Variants in FOXP1 observed in about 807,000 individuals in gnomAD.
FOXP1 encodes forkhead box P1.
A neutral mutation model predicts 98.2 loss-of-function variants in FOXP1; 15 were observed. The ratio of observed to expected loss-of-function variants is 0.15; its 90% CI spans 0.10 to 0.24. The LOEUF (loss-of-function observed/expected upper bound fraction) is 0.24. Among genes scored for constraint, FOXP1 ranks in the 10% least tolerant of loss-of-function variants. The probability of loss-of-function intolerance (pLI) is 1.00; values close to 1 mark genes in which losing one functional copy is unlikely to be tolerated. For synonymous variants in FOXP1, 371 were observed against 314.5 expected, an observed-to-expected ratio of 1.18 and a Z score of -1.90; for missense variants, 633 against 848.5, an observed-to-expected ratio of 0.75 and a Z score of 3.15.
chr3:71,416,580 ACACACACACACACG>A (rs2083234883), intron 3 of FOXP1, among the ~76,000 whole-genome samples: 2 of 143,818 alleles, frequency 1.4e-5, no homozygotes, highest in South Asian at 4.6e-4. Context: ...ACACACACAC[ACACACACACACACG>A]CAAAAAAAAA....
At chr3:71,099,283 G>A (rs1009742029) in intron 7 of FOXP1, among the ~76,000 whole-genome samples, 12 of 152,110 alleles carry the variant, frequency 7.9e-5, no homozygotes, top group Non-Finnish European at 1.6e-4. Flanking sequence ...GGCCGAGGTG[G>A]GCAAATCATT....
At chr3:71,143,153 A>G (rs2108011195) in intron 6 of FOXP1, among the ~76,000 whole-genome samples, 1 of 152,328 alleles carries the variant, frequency 6.6e-6, no homozygotes, top group South Asian at 2.1e-4. Context: ...TTGAAAGTTG[A>G]AAAGCACAAT....
intron 3 of FOXP1, among the ~76,000 whole-genome samples, chr3:71,439,849 G>A (rs887522330): frequency 2.6e-5 from 4 of 151,994 alleles, no homozygotes; most frequent in Admixed American, 6.6e-5. Flanking sequence ...GGGAGGCTGA[G>A]GCAGGAGAAT....
Position 70,973,836 on chromosome 3 carries a change from C to A in FOXP1, c.1531-1160G>T. Among the ~76,000 whole-genome samples the A allele has an allele frequency of 3.7e-4, 3 of 8,062 alleles. No homozygotes were observed. In the African/African-American group the frequency reaches 4.0e-3, roughly 11 times the overall value. 5.3% of individuals were successfully genotyped at this position (8,062 alleles called of 152,430 possible). A position where few individuals can be genotyped will look rare whatever the true frequency, so the allele number is the denominator to read the frequency against. On this transcript the variant is annotated intron_variant, in intron 17 of 20. Transcript: ENST00000649528. ...TATTGCACAAGCGTTTTGCACACCG[C>A]CCCCCCCCCCCCACCCCCCAACACA... is the stretch of plus-strand genomic sequence containing the variant.
intron 2 of FOXP1, among the ~76,000 whole-genome samples, chr3:71,498,587 T>TA (rs1371560098): frequency 2.0e-5 from 3 of 152,206 alleles, no homozygotes; most frequent in Non-Finnish European, 4.4e-5. Flanking sequence ...ATGTCTATCC[T>TA]AAAAAAAGAG....
chr3:71,073,309 CTCTAACT>C (rs2053470033), intron 7 of FOXP1, among the ~76,000 whole-genome samples: 1 of 152,204 alleles, frequency 6.6e-6, no homozygotes, highest in Non-Finnish European at 1.5e-5. Flanking sequence ...TTATTCTTCC[CTCTAACT>C]TTGTTCTCTG....
chr3:71,173,330 T>C (rs968282956), intron 6 of FOXP1, among the ~76,000 whole-genome samples: 5 of 151,352 alleles, frequency 3.3e-5, no homozygotes, highest in Non-Finnish European at 5.9e-5. Flanking sequence ...CTGACTCTAT[T>C]CACAAAATTT....
intron 5 of FOXP1, among the ~76,000 whole-genome samples, chr3:71,203,559 A>G (rs1422249098): frequency 6.6e-6 from 1 of 152,204 alleles, no homozygotes; most frequent in African/African-American, 2.4e-5. Flanking sequence ...CATGCTTGTG[A>G]AAGATTTTAA....
chr3:71,047,009 C>T lies in FOXP1; in HGVS notation c.597G>A (p.Leu199=), dbSNP rs775610687. The change falls in exon 10 of 21, where the codon TTG becomes TTA. Residue 199 remains leucine, a synonymous_variant. Coordinates refer to ENST00000649528, the MANE Select transcript of FOXP1 (RefSeq NM_001349338.3). The part of the protein sequence containing the change: ...QQLQQQHLLS[L]QRQGLLTIQP... The stretch of plus-strand genomic sequence containing the variant: ...GAATTGTCAGAAGGCCTTGGCGCTG[C>T]AAAGACAGGAGGTGCTGCTGCTGTA... 8.1e-6 allele frequency: 13 copies of T among 1,613,988 alleles called. No individual in the cohort carries two copies. The East Asian group carries it at 2.9e-4, about 36-fold the overall frequency.
chr3:71,266,531 C>G (rs1392604588), intron 5 of FOXP1, among the ~76,000 whole-genome samples: 2 of 152,292 alleles, frequency 1.3e-5, no homozygotes, highest in South Asian at 4.1e-4. Flanking sequence ...AGATTACAGG[C>G]ATGAGCCACT....
intron 7 of FOXP1, among the ~76,000 whole-genome samples, chr3:71,064,044 A>C (rs2051964894): frequency 1.3e-5 from 2 of 152,050 alleles, no homozygotes; most frequent in African/African-American, 4.8e-5. Context: ...ACCCCGTGGC[A>C]ATTCCTCAGT....
At chr3:71,208,212 T>A (rs1378188148) in intron 5 of FOXP1, among the ~76,000 whole-genome samples, 1 of 152,206 alleles carries the variant, frequency 6.6e-6, no homozygotes, top group Non-Finnish European at 1.5e-5. Context: ...CTTTCAATGG[T>A]GACTGCCTTG....
At chr3:71,264,955 C>A (rs1207536883) in intron 5 of FOXP1, among the ~76,000 whole-genome samples, 3 of 152,162 alleles carry the variant, frequency 2.0e-5, no homozygotes, top group Non-Finnish European at 2.9e-5. Flanking sequence ...GCAGCTTGCA[C>A]AAGATCACAT....
At chr3:71,238,162 G>A (rs917127540) in intron 5 of FOXP1, among the ~76,000 whole-genome samples, 12 of 152,174 alleles carry the variant, frequency 7.9e-5, no homozygotes, top group African/African-American at 1.9e-4. Flanking sequence ...ATAGATTAGC[G>A]GGGACCATGC....
intron 5 of FOXP1, among the ~76,000 whole-genome samples, chr3:71,206,797 T>A (rs1576378505): frequency 6.6e-6 from 1 of 152,204 alleles, no homozygotes; most frequent in South Asian, 2.1e-4. Context: ...TGTCTCAATT[T>A]ATATTTTTTA....
chr3:71,392,670 C>T (rs1314183609), intron 3 of FOXP1, among the ~76,000 whole-genome samples: 2 of 152,174 alleles, frequency 1.3e-5, no homozygotes, highest in African/African-American at 4.8e-5. Context: ...GCATCTATAT[C>T]GTGCTCTTCC....
At chr3:71,242,771 A>C (rs1400062994) in intron 5 of FOXP1, among the ~76,000 whole-genome samples, 1 of 152,176 alleles carries the variant, frequency 6.6e-6, no homozygotes, top group African/African-American at 2.4e-5. Flanking sequence ...AAGGAAAAAA[A>C]AAAAAAAAAG....
chr3:71,518,050 A>C (rs1240448396), intron 2 of FOXP1, among the ~76,000 whole-genome samples: 1 of 151,654 alleles, frequency 6.6e-6, no homozygotes, highest in Non-Finnish European at 1.5e-5. Flanking sequence ...CCAGTGAAAA[A>C]CTCTCTGCCT....
intron 5 of FOXP1, among the ~76,000 whole-genome samples, chr3:71,265,979 G>A (rs928549048): frequency 1.3e-5 from 2 of 152,262 alleles, no homozygotes; most frequent in Non-Finnish European, 2.9e-5. Context: ...ACTTGGTGTC[G>A]TCTTGACCAA....
Sources: allele counts gnomAD v4.1 joint callset (sites outside exome capture counted in the v4.1 genomes callset), GRCh38; gene constraint gnomAD v4.1.1; transcripts MANE v1.5; gene names NCBI Gene and HGNC (gene_info 2026-07-23, HGNC 2026-07-21).